Variants in GRIN2A observed in about 807,000 individuals in gnomAD.
GRIN2A encodes glutamate receptor ionotropic, NMDA 2A.
A neutral mutation model predicts 113.4 loss-of-function variants in GRIN2A; 22 were observed. The observed-to-expected ratio is 0.19, with a 90% CI of 0.14 to 0.28. The LOEUF is 0.28. Ranked by LOEUF, GRIN2A falls within the 10% of genes least tolerant of loss-of-function variation. GRIN2A has a pLI of 1.00. For missense variants in GRIN2A, 1,502 were observed against 1,887.0 expected (o/e 0.80, Z 3.78); for synonymous variants, 827 against 738.4 (o/e 1.12, Z -1.94).
At chr16:9,969,368 G>A (rs1021788829) in intron 2 of GRIN2A, among the ~76,000 whole-genome samples, 9 of 151,866 alleles carry the variant, frequency 5.9e-5, no homozygotes, top group African/African-American at 1.9e-4. Context: ...TTCTTCACTC[G>A]CCACTTAATG....
chr16:10,039,388 G>A (rs976667618), intron 2 of GRIN2A, among the ~76,000 whole-genome samples: 1 of 152,182 alleles, frequency 6.6e-6, no homozygotes, highest in Non-Finnish European at 1.5e-5. Context: ...CAGGGTCTCA[G>A]GTAAATGTGG....
intron 2 of GRIN2A, among the ~76,000 whole-genome samples, chr16:10,018,425 A>C (rs930278477): frequency 6.6e-6 from 1 of 152,206 alleles, no homozygotes; most frequent in Non-Finnish European, 1.5e-5. Context: ...ATGTGACAGA[A>C]GCCCCTGGAG....
intron 2 of GRIN2A, among the ~76,000 whole-genome samples, chr16:10,067,185 A>G (rs1010971222): frequency 6.6e-6 from 1 of 152,094 alleles, no homozygotes; most frequent in Non-Finnish European, 1.5e-5. Context: ...AGACACTTGC[A>G]TCTGGGGCTT....
chr16:10,111,902 T>C lies in GRIN2A; in HGVS notation c.414+68096A>G, dbSNP rs140466709. 292 of 851,102 alleles carry C rather than the reference T, an allele frequency of 3.4e-4. No homozygotes were observed. The African/African-American group carries it at 4.4e-3, about 13-fold the overall frequency. The allele number at this position is 851,102 out of a possible 1,614,324, so 52.7% of individuals were successfully genotyped here. A position where few individuals can be genotyped will look rare whatever the true frequency, so the allele number is the denominator to read the frequency against. ...CTTGCTGAGAAGGACCACACCACCC[T>C]CCTCAGTGAGGTGATGACGCCAAGG... is the stretch of plus-strand genomic sequence containing the variant. On this transcript the variant is annotated intron_variant, in intron 2 of 12. Transcript: ENST00000330684.
intron 4 of GRIN2A, among the ~76,000 whole-genome samples, chr16:9,878,757 A>G (rs2043420289): frequency 1.3e-5 from 2 of 152,120 alleles, no homozygotes; most frequent in South Asian, 4.1e-4. Flanking sequence ...GCTCTGCAGG[A>G]GAGCGCCTGT....
At chr16:9,889,538 TA>T (rs2043651610) in intron 4 of GRIN2A, among the ~76,000 whole-genome samples, 1 of 152,196 alleles carries the variant, frequency 6.6e-6, no homozygotes, top group Non-Finnish European at 1.5e-5. Context: ...CTTCTAAATT[TA>T]TAAGCTTAAA....
chr16:9,973,987 G>T (rs955590153), intron 2 of GRIN2A, among the ~76,000 whole-genome samples: 1 of 152,088 alleles, frequency 6.6e-6, no homozygotes, highest in East Asian at 1.9e-4. Context: ...AATTAATGAA[G>T]AGCATTAGAA....
intron 2 of GRIN2A, among the ~76,000 whole-genome samples, chr16:10,016,280 G>T (rs993750817): frequency 1.3e-5 from 2 of 152,134 alleles, no homozygotes; most frequent in African/African-American, 4.8e-5. Context: ...AGCGTTGTTT[G>T]GTTTCCCATG....
chr16:10,130,511 G>C (rs1163078837), intron 2 of GRIN2A, among the ~76,000 whole-genome samples: 5 of 152,078 alleles, frequency 3.3e-5, no homozygotes, highest in South Asian at 2.1e-4. Flanking sequence ...ATGGAGCTCC[G>C]GACACAGACC....
chr16:9,900,965 T>G (rs1186628949), intron 3 of GRIN2A, among the ~76,000 whole-genome samples: 1 of 152,212 alleles, frequency 6.6e-6, no homozygotes, highest in African/African-American at 2.4e-5. Context: ...GATCTCCAAG[T>G]GGCAGATGTG....
chr16:9,767,471 G>C (rs1333026374), intron 12 of GRIN2A, among the ~76,000 whole-genome samples: 5 of 152,016 alleles, frequency 3.3e-5, no homozygotes, highest in African/African-American at 1.2e-4. Flanking sequence ...TGTTACATAT[G>C]TATACATGTG....
chr16:9,777,358 C>A (rs959508240), intron 11 of GRIN2A, among the ~76,000 whole-genome samples: 1 of 152,176 alleles, frequency 6.6e-6, no homozygotes, highest in African/African-American at 2.4e-5. Flanking sequence ...TCTGTTCTCA[C>A]GATCTCAGAG....
chr16:10,107,483 A>G (rs2048522304), intron 2 of GRIN2A, among the ~76,000 whole-genome samples: 1 of 152,070 alleles, frequency 6.6e-6, no homozygotes, highest in Non-Finnish European at 1.5e-5. Context: ...CTCTGTTGCT[A>G]CTCTCTATCA....
rs534229513 is a variant in GRIN2A, at chr16:10,110,832, A to T, written c.414+69166T>A. The stretch of plus-strand genomic sequence containing the variant: ...GGTGGCAGAACCAAAAGATGAAAGG[A>T]GCTGAGCCCCTGAATCGTCACTTGT... On this transcript the variant is annotated intron_variant, in intron 2 of 12. Coordinates refer to ENST00000330684, the MANE Select transcript of GRIN2A (RefSeq NM_001134407.3). Among the ~76,000 whole-genome samples, 3 of 152,322 alleles carry T rather than the reference A, an allele frequency of 2.0e-5. No individual in the cohort carries two copies. The East Asian group carries it at 5.8e-4, about 29-fold the overall frequency.
intron 2 of GRIN2A, among the ~76,000 whole-genome samples, chr16:10,078,625 C>T (rs1024167250): frequency 1.3e-5 from 2 of 152,190 alleles, no homozygotes; most frequent in Non-Finnish European, 2.9e-5. Flanking sequence ...TGCAGCTGCT[C>T]CTCTGTGCTC....
At chr16:9,770,108 G>C (rs1465213547) in intron 11 of GRIN2A, among the ~76,000 whole-genome samples, 1 of 152,122 alleles carries the variant, frequency 6.6e-6, no homozygotes. Context: ...TGCCATTTAG[G>C]AGAAAATTCT....
chr16:10,147,455 C>CAAAAAAAAAAAAAA (rs367830700), intron 2 of GRIN2A, among the ~76,000 whole-genome samples: 12 of 72,910 alleles, frequency 1.6e-4, no homozygotes, highest in African/African-American at 3.2e-4. Flanking sequence ...ACTAAAAATA[C>CAAAAAAAAAAAAAA]AAAAAAAAAA....
In GRIN2A at chr16:9,799,964, ATAT is replaced by A. The variant is rs71400498; in HGVS notation, c.2169-1503_2169-1501del. Among the ~76,000 whole-genome samples the A allele has an allele frequency of 6.9e-3, 1,031 of 149,670 alleles. 8 individuals are homozygous for A. The highest frequency in any genetic ancestry group is 0.034 in the East Asian group (175 of 5,092). On this transcript the variant is annotated intron_variant, in intron 10 of 12. Transcript: ENST00000330684. ...TCTCCAAGGGCACAACTGTGCCTAAATATTATTATTATTATTATTATTATTATT... is the reference window on the plus strand; with the variant it reads ...TCTCCAAGGGCACAACTGTGCCTAAATATTATTATTATTATTATTATTATT...
intron 2 of GRIN2A, among the ~76,000 whole-genome samples, chr16:10,127,624 G>T (rs558180145): frequency 9.2e-5 from 14 of 152,234 alleles, no homozygotes; most frequent in Non-Finnish European, 5.9e-5. Flanking sequence ...TTTATAGCAT[G>T]AACTATGTCC....
Sources: allele counts gnomAD v4.1 joint callset (sites outside exome capture counted in the v4.1 genomes callset), GRCh38; gene constraint gnomAD v4.1.1; transcripts MANE v1.5; gene names NCBI Gene and HGNC (gene_info 2026-07-23, HGNC 2026-07-21).